CALB1: variants seen among roughly 807,000 people sequenced by gnomAD.
CALB1 encodes the protein calbindin 1, also known as calbindin.
A neutral mutation model predicts 46.7 loss-of-function variants in CALB1; 16 were observed. That is an observed-to-expected ratio of 0.34 (90% CI 0.23 to 0.52). CALB1 has a LOEUF of 0.52. CALB1 is among the 20% of genes least tolerant of loss of function. CALB1 has a pLI of 0.95. For missense variants in CALB1, 224 were observed against 300.3 expected (o/e 0.75, Z 1.88); for synonymous variants, 90 against 112.8 (o/e 0.80, Z 1.28).
rs767017029 is a variant in CALB1, at chr8:90,082,734, C to T, written c.-37G>A. 13 of 1,577,858 alleles carry T rather than the reference C, an allele frequency of 8.2e-6. No homozygotes were observed. Among genetic ancestry groups the T allele is most frequent in the African/African-American group, 1.3e-5 (1 of 74,242 alleles). On this transcript the variant is annotated 5_prime_UTR_variant, in exon 1 of 11. Transcript: ENST00000265431. ...GTGTGTGTCTGGGTGTGTGAATATG[C>T]GTGTGTCTGTGTCCGCGCGAGGGGG...
intron 3 of CALB1, among the ~76,000 whole-genome samples, chr8:90,070,126 A>G (rs1440890643): frequency 6.6e-6 from 1 of 152,070 alleles, no homozygotes; most frequent in East Asian, 1.9e-4. Context: ...GTCCCCAGCA[A>G]CCCCGAGCCA....
At chr8:90,075,162 G>A (rs1486259703) in intron 3 of CALB1, among the ~76,000 whole-genome samples, 1 of 152,134 alleles carries the variant, frequency 6.6e-6, no homozygotes, top group African/African-American at 2.4e-5. Context: ...AAACATATTT[G>A]TTTCTAGGTA....
intron 2 of CALB1, among the ~76,000 whole-genome samples, chr8:90,079,426 G>A (rs902091272): frequency 6.6e-6 from 1 of 151,790 alleles, no homozygotes; most frequent in Non-Finnish European, 1.5e-5. Flanking sequence ...ACTTACTATG[G>A]ATAAATTACA....
intron 1 of CALB1, 150 bp downstream of exon 1, chr8:90,082,469 G>A (rs1457892910): frequency 4.4e-6 from 3 of 687,114 alleles, no homozygotes; most frequent in Non-Finnish European, 7.8e-6. Flanking sequence ...GCGGCCAGTC[G>A]GGGAGATAAG....
At chr8:90,073,368 G>A (rs1814567700) in intron 3 of CALB1, among the ~76,000 whole-genome samples, 3 of 152,048 alleles carry the variant, frequency 2.0e-5, no homozygotes, top group African/African-American at 7.2e-5. Context: ...CCCCAAGGAG[G>A]TGGCATCCTA....
intron 3 of CALB1, 130 bp from the exon 4 acceptor site, chr8:90,069,367 TAG>T: frequency 1.4e-6 from 1 of 700,588 alleles, no homozygotes. Context: ...GGAAAAACAT[TAG>T]AGTCGGCTTT....
chr8:90,074,397 C>G (rs773504180), intron 3 of CALB1, among the ~76,000 whole-genome samples: 1 of 152,148 alleles, frequency 6.6e-6, no homozygotes, highest in Non-Finnish European at 1.5e-5. Context: ...ATGGCCTGCT[C>G]TCACATAGAT....
At chr8:90,066,251 T>C (rs2130229020) in intron 5 of CALB1, among the ~76,000 whole-genome samples, 1 of 152,142 alleles carries the variant, frequency 6.6e-6, no homozygotes, top group Middle Eastern at 3.4e-3. Context: ...CTTTATGATT[T>C]CAATTAACCT....
At chr8:90,081,417 C>T in intron 2 of CALB1, 1 of 936,764 alleles carries the variant, frequency 1.1e-6, no homozygotes, top group Non-Finnish European at 1.3e-6. Context: ...GCAACTTACC[C>T]TTAGTGAGGA....
chr8:90,073,134 A>G (rs1186592987), intron 3 of CALB1, among the ~76,000 whole-genome samples: 3 of 152,236 alleles, frequency 2.0e-5, no homozygotes, highest in Admixed American at 2.0e-4. Context: ...GAAGCAATAT[A>G]TAAAGGTAAT....
chr8:90,081,978 A>T (rs757190919), intron 2 of CALB1, 48 bp downstream of exon 2: 1 of 1,502,216 alleles, frequency 6.7e-7, no homozygotes, highest in South Asian at 1.2e-5. Flanking sequence ...GAATGTTTTA[A>T]TTTGGGGGTT....
chr8:90,081,870 T>G (rs946307826), intron 2 of CALB1, among the ~76,000 whole-genome samples, 156 bp downstream of exon 2: 3 of 151,876 alleles, frequency 2.0e-5, no homozygotes, highest in Admixed American at 2.0e-4. Context: ...TTCTCTGTAT[T>G]CGAGTTGGAA....
chr8:90,077,516 A>G (rs1264524110), intron 3 of CALB1, among the ~76,000 whole-genome samples: 1 of 152,052 alleles, frequency 6.6e-6, no homozygotes, highest in East Asian at 1.9e-4. Flanking sequence ...GCATATTTCA[A>G]ATTATGACCT....
intron 5 of CALB1, among the ~76,000 whole-genome samples, chr8:90,068,521 T>C (rs1223881656): frequency 6.6e-6 from 1 of 152,214 alleles, no homozygotes; most frequent in African/African-American, 2.4e-5. Flanking sequence ...CAGTATATCA[T>C]TTAACTTCTC....
intron 2 of CALB1, among the ~76,000 whole-genome samples, chr8:90,079,034 A>G (rs1814672091): frequency 6.6e-6 from 1 of 152,052 alleles, no homozygotes; most frequent in Non-Finnish European, 1.5e-5. Context: ...ACTATAAACT[A>G]GTGATCTGAA....
intron 5 of CALB1, among the ~76,000 whole-genome samples, chr8:90,066,786 T>C (rs538828424): frequency 1.8e-4 from 28 of 152,226 alleles, no homozygotes; most frequent in African/African-American, 6.7e-4. Context: ...TTTATAATAG[T>C]CATTCATTTT....
At chr8:90,067,001 T>G (rs1209057964) in intron 5 of CALB1, among the ~76,000 whole-genome samples, 1 of 152,108 alleles carries the variant, frequency 6.6e-6, no homozygotes, top group Admixed American at 6.6e-5. Context: ...TTTTCTTAGT[T>G]TGATAAAAAT....
At chr8:90,074,930 TAA>T (rs1487940758) in intron 3 of CALB1, among the ~76,000 whole-genome samples, 1 of 152,182 alleles carries the variant, frequency 6.6e-6, no homozygotes, top group Non-Finnish European at 1.5e-5. Context: ...GCTAAATCAT[TAA>T]GTCTTCCTTT....
chr8:90,058,826 T>C lies in CALB1; in HGVS notation c.*1347A>G, dbSNP rs1355567236. 6.6e-6 allele frequency: 1 copy of C among 152,184 alleles called. No individual in the cohort carries two copies. The highest frequency in any genetic ancestry group is 2.4e-5 in the African/African-American group (1 of 41,442). The allele number at this position is 152,184 out of a possible 1,614,324, so 9.4% of individuals were successfully genotyped here. ...ATTCAGAAAATAAGTGTTGAATTTA[T>C]AGAATGGGGACATTCAAGCTGACCC... On this transcript the variant is annotated 3_prime_UTR_variant, in exon 11 of 11. Transcript: ENST00000265431.
Sources: gnomAD v4.1 joint callset for allele counts (sites outside exome capture counted in the v4.1 genomes callset) on GRCh38, gnomAD v4.1.1 for gene constraint, MANE v1.5 for transcripts, NCBI Gene and HGNC (gene_info 2026-07-23, HGNC 2026-07-21) for gene names.